Variants in NSUN6 observed in about 807,000 individuals in gnomAD.
NSUN6 encodes the protein tRNA (cytosine(72)-C(5))-methyltransferase NSUN6.
In NSUN6, 64 loss-of-function variants were observed where a neutral mutation model predicts 58.0. That is an observed-to-expected ratio of 1.10 (90% CI 0.90 to 1.36). The LOEUF is 1.36. Ranked by LOEUF, NSUN6 falls within the 40% of genes most tolerant of loss-of-function variation. The probability of loss-of-function intolerance (pLI) is 0.00; values close to 1 mark genes in which losing one functional copy is unlikely to be tolerated. For synonymous variants in NSUN6, 231 were observed against 193.9 expected (o/e 1.19, Z -1.59); for missense variants, 701 against 550.1 (o/e 1.27, Z -2.74).
intron 8 of NSUN6, among the ~76,000 whole-genome samples, chr10:18,565,903 C>T (rs1485640363): frequency 4.0e-5 from 6 of 148,788 alleles, no homozygotes; most frequent in African/African-American, 4.9e-5. Flanking sequence ...CATTCCATTC[C>T]GTTCTCCATT....
intron 3 of NSUN6, among the ~76,000 whole-genome samples, chr10:18,623,995 T>C (rs1295926354): frequency 1.3e-5 from 2 of 152,080 alleles, no homozygotes; most frequent in African/African-American, 2.4e-5. Flanking sequence ...ATTCAATGCA[T>C]GATAAGCAGA....
intron 2 of NSUN6, among the ~76,000 whole-genome samples, chr10:18,643,371 T>A (rs182702197): frequency 6.6e-6 from 1 of 151,860 alleles, no homozygotes; most frequent in African/African-American, 2.4e-5. Context: ...ACAACAAGTC[T>A]GCCTCGTAGG....
chr10:18,651,714 T>C (rs572684731), upstream of NSUN6: 81 of 985,476 alleles, frequency 8.2e-5, no homozygotes, highest in Non-Finnish European at 9.5e-5. Flanking sequence ...TCCCCAACAC[T>C]GCGTTACGCT....
chr10:18,621,718 G>C (rs752732263), intron 3 of NSUN6, among the ~76,000 whole-genome samples: 3 of 152,158 alleles, frequency 2.0e-5, no homozygotes, highest in East Asian at 1.9e-4. Context: ...AAAAGTATTA[G>C]AATAGCTAAA....
intron 5 of NSUN6, among the ~76,000 whole-genome samples, chr10:18,610,666 G>A (rs2058200968): frequency 6.6e-6 from 1 of 152,142 alleles, no homozygotes; most frequent in Non-Finnish European, 1.5e-5. Context: ...GGAAGGGCCA[G>A]GACTCAGATG....
intron 6 of NSUN6, among the ~76,000 whole-genome samples, chr10:18,602,799 C>T (rs552544694): frequency 6.6e-6 from 1 of 152,240 alleles, no homozygotes; most frequent in South Asian, 2.1e-4. Context: ...AAGGGTATAT[C>T]GGTGAGGGAT....
At position 18,607,868 on chromosome 10, in the gene NSUN6, G is replaced by A. The variant is rs74735656; in HGVS notation, c.657+1977C>T. On this transcript the variant is annotated intron_variant, in intron 6 of 10. Coordinates refer to ENST00000377304, the MANE Select transcript of NSUN6 (RefSeq NM_182543.5). ...ACTACTAATACCTACTACAGGCTATGCACTTTACTTTTCTAAGCCTCTATT... is the reference window on the plus strand; with the variant it reads ...ACTACTAATACCTACTACAGGCTATACACTTTACTTTTCTAAGCCTCTATT... Among the ~76,000 whole-genome samples, 596 of 152,326 alleles carry A rather than the reference G, an allele frequency of 3.9e-3. 6 individuals are homozygous for A. The highest frequency in any genetic ancestry group is 0.014 in the African/African-American group (571 of 41,574).
At chr10:18,601,851 C>T (rs2057854149) in intron 6 of NSUN6, among the ~76,000 whole-genome samples, 1 of 151,378 alleles carries the variant, frequency 6.6e-6, no homozygotes, top group Non-Finnish European at 1.5e-5. Context: ...GTGGTGGGCG[C>T]CTGTAATCCC....
upstream of NSUN6, among the ~76,000 whole-genome samples, chr10:18,656,688 T>C (rs558494788): frequency 1.3e-5 from 2 of 152,330 alleles, no homozygotes; most frequent in East Asian, 3.9e-4. Flanking sequence ...AATTCCCGAG[T>C]TGTTTGACAT....
chr10:18,595,848 TCA>T (rs1222973924), intron 7 of NSUN6, among the ~76,000 whole-genome samples: 1 of 152,204 alleles, frequency 6.6e-6, no homozygotes, highest in Non-Finnish European at 1.5e-5. Context: ...TATACATATT[TCA>T]CACTTTGATA....
Position 18,614,486 on chromosome 10 carries a change from T to G in NSUN6, c.549A>C (p.Glu183Asp). The change falls in exon 5 of 11, where the codon GAA becomes GAC. Residue 183 changes from glutamate to aspartate, a missense_variant. Glu to Asp is a conservative substitution (Grantham distance 45). Transcript: ENST00000377304. Reference sequence around the variant, plus strand: ...TCAGTTCAGGTAATCCACTGAAGATTTCTTTGCGGCTTAGTTCAGAAATCC... The same window carrying G: ...TCAGTTCAGGTAATCCACTGAAGATGTCTTTGCGGCTTAGTTCAGAAATCC... Reference protein sequence around the residue: ...GNGISELSRKEIFSGLPELKG... With the variant: ...GNGISELSRKDIFSGLPELKG... 1 of 1,554,568 alleles carries G rather than the reference T, an allele frequency of 6.4e-7. No individual in the cohort carries two copies. Among genetic ancestry groups the G allele is most frequent in the Non-Finnish European group, 8.7e-7 (1 of 1,154,828 alleles).
At position 18,619,425 on chromosome 10, in the gene NSUN6, C is replaced by T. The variant is rs114397235; in HGVS notation, c.312-3132G>A. On this transcript the variant is annotated intron_variant, in intron 3 of 10. Coordinates refer to ENST00000377304, the MANE Select transcript of NSUN6 (RefSeq NM_182543.5). The stretch of plus-strand genomic sequence containing the variant: ...TGTAATGACTACTGGGTATTTCTCA[C>T]CCTTACTATTAACACTTAATTGTTT... Among the ~76,000 whole-genome samples the T allele has an allele frequency of 5.0e-3, 755 of 152,306 alleles. 4 individuals are homozygous for T. The highest frequency in any genetic ancestry group is 0.017 in the African/African-American group (726 of 41,576).
intron 5 of NSUN6, among the ~76,000 whole-genome samples, 194 bp from the exon 6 acceptor site, chr10:18,610,120 G>C (rs200405987): frequency 6.6e-6 from 1 of 152,040 alleles, no homozygotes; most frequent in East Asian, 1.9e-4. Flanking sequence ...AGGAGTTCAA[G>C]ACCAGCCCGA....
intron 8 of NSUN6, among the ~76,000 whole-genome samples, chr10:18,555,785 G>A (rs567443576): frequency 6.7e-6 from 1 of 150,078 alleles, no homozygotes; most frequent in African/African-American, 2.4e-5. Context: ...ATGGAATGGA[G>A]AATGGAATGG....
chr10:18,621,362 C>A (rs566072804), intron 3 of NSUN6, among the ~76,000 whole-genome samples: 1 of 152,158 alleles, frequency 6.6e-6, no homozygotes, highest in African/African-American at 2.4e-5. Context: ...CAAATCATAG[C>A]CGTAAGTACA....
At chr10:18,600,544 G>A (rs867433104) in intron 6 of NSUN6, among the ~76,000 whole-genome samples, 1 of 152,032 alleles carries the variant, frequency 6.6e-6, no homozygotes, top group Non-Finnish European at 1.5e-5. Flanking sequence ...AAGATCACTT[G>A]AGCCTGGAAG....
chr10:18,586,349 T>C (rs1160477627), intron 7 of NSUN6, among the ~76,000 whole-genome samples: 1 of 152,060 alleles, frequency 6.6e-6, no homozygotes, highest in Non-Finnish European at 1.5e-5. Context: ...TTAAAGACGT[T>C]GTGTCCGGAG....
intron 8 of NSUN6, among the ~76,000 whole-genome samples, chr10:18,571,699 CTCCAT>C (rs1441291170): frequency 1.3e-5 from 2 of 150,776 alleles, no homozygotes; most frequent in African/African-American, 2.4e-5. Flanking sequence ...CCATTCCATT[CTCCAT>C]TCCATTCCAT....
At chr10:18,581,173 G>A (rs1172045817) in intron 8 of NSUN6, among the ~76,000 whole-genome samples, 4 of 152,074 alleles carry the variant, frequency 2.6e-5, no homozygotes, top group East Asian at 1.9e-4. Flanking sequence ...TATCAGAGGC[G>A]TTTGAACCAC....
Sources: allele counts gnomAD v4.1 joint callset (sites outside exome capture counted in the v4.1 genomes callset), GRCh38; gene constraint gnomAD v4.1.1; transcripts MANE v1.5; gene names NCBI Gene and HGNC (gene_info 2026-07-23, HGNC 2026-07-21).